Variants in CACNA2D3 observed in about 807,000 individuals in gnomAD.
CACNA2D3 encodes the protein calcium voltage-gated channel auxiliary subunit alpha2delta 3.
Under a neutral mutation model 160.6 loss-of-function variants are expected in CACNA2D3, and 60 were observed. That is an observed-to-expected ratio of 0.37 (90% confidence interval 0.30 to 0.46). The LOEUF is 0.46. Among genes scored for constraint, CACNA2D3 ranks in the 20% least tolerant of loss-of-function variants. CACNA2D3 has a pLI of 1.00. For missense variants in CACNA2D3, 1,205 were observed against 1,365.0 expected (o/e 0.88, Z 1.85); for synonymous variants, 558 against 492.9 (o/e 1.13, Z -1.75).
At chr3:54,234,768 A>G (rs1445005869) in intron 2 of CACNA2D3, among the ~76,000 whole-genome samples, 1 of 152,224 alleles carries the variant, frequency 6.6e-6, no homozygotes. Context: ...ACAGAAAACC[A>G]GATACCACAT....
intron 13 of CACNA2D3, among the ~76,000 whole-genome samples, chr3:54,806,042 G>A (rs1344076799): frequency 6.6e-6 from 1 of 152,108 alleles, no homozygotes; most frequent in Non-Finnish European, 1.5e-5. Flanking sequence ...AGGTATTGAT[G>A]AGACATATCT....
At chr3:54,299,762 A>T (rs1703432873) in intron 2 of CACNA2D3, among the ~76,000 whole-genome samples, 1 of 152,236 alleles carries the variant, frequency 6.6e-6, no homozygotes, top group Admixed American at 6.5e-5. Context: ...TAACAAAAGG[A>T]GACATTATAG....
At chr3:54,739,751 AT>A (rs1701607454) in intron 11 of CACNA2D3, among the ~76,000 whole-genome samples, 1 of 145,848 alleles carries the variant, frequency 6.9e-6, no homozygotes, top group Non-Finnish European at 1.5e-5. Context: ...CTCCTCATAT[AT>A]GTGTGTGTGT....
intron 2 of CACNA2D3, among the ~76,000 whole-genome samples, chr3:54,155,325 A>G (rs1576964680): frequency 6.6e-6 from 1 of 152,164 alleles, no homozygotes; most frequent in South Asian, 2.1e-4. Flanking sequence ...CTGAATCTCC[A>G]CTCAAGGCTG....
chr3:54,927,905 C>T (rs1701071496), intron 27 of CACNA2D3: 16 of 1,613,694 alleles, frequency 9.9e-6, no homozygotes, highest in Non-Finnish European at 1.4e-5. Flanking sequence ...CAGGGCTCAC[C>T]TTTCATGACT....
At chr3:54,189,586 C>T (rs73085954) in intron 2 of CACNA2D3, among the ~76,000 whole-genome samples, 17,663 of 152,078 alleles carry the variant, frequency 0.12, 1,120 homozygotes, top group Admixed American at 0.16. Context: ...GTGGAACAGA[C>T]TGGCAAGCTG....
At chr3:54,171,766 A>G (rs1044368060) in intron 2 of CACNA2D3, among the ~76,000 whole-genome samples, 2 of 152,042 alleles carry the variant, frequency 1.3e-5, no homozygotes, top group African/African-American at 4.8e-5. Context: ...CTTCCATGGG[A>G]TATCTTCCCA....
intron 11 of CACNA2D3, among the ~76,000 whole-genome samples, chr3:54,746,055 T>C (rs1461911328): frequency 6.6e-6 from 1 of 152,218 alleles, no homozygotes; most frequent in Admixed American, 6.5e-5. Context: ...ATGTTTCTTC[T>C]TTTATTATGA....
chr3:54,424,533 C>A (rs1699885238), intron 4 of CACNA2D3, among the ~76,000 whole-genome samples: 1 of 152,208 alleles, frequency 6.6e-6, no homozygotes, highest in South Asian at 2.1e-4. Flanking sequence ...GAAGGCTTTA[C>A]TACATGACTC....
chr3:54,686,744 A>G (rs1263701612), intron 11 of CACNA2D3, among the ~76,000 whole-genome samples: 1 of 152,202 alleles, frequency 6.6e-6, no homozygotes. Flanking sequence ...GTGATGTCAT[A>G]GCTCTGTGAA....
chr3:54,764,276 T>G lies in CACNA2D3; in HGVS notation c.1305T>G (p.Leu435=). Residue 435 remains leucine (L), a synonymous_variant, in exon 13 of 38, where the codon CTT becomes CTG. Coordinates refer to ENST00000474759, the MANE Select transcript of CACNA2D3 (RefSeq NM_018398.3). ...TGCAGGAGAATGTCATGGAATACCT[T>G]CACGTGCTTAGCCGGCCCAAAGTCA... ...ADVQENVMEY[L]HVLSRPKVID... The G allele has an allele frequency of 6.2e-7, 1 of 1,613,902 alleles. No homozygotes were observed. The highest frequency in any genetic ancestry group is 8.5e-7 in the Non-Finnish European group (1 of 1,179,850).
At chr3:54,145,411 G>A (rs1243612644) in intron 2 of CACNA2D3, among the ~76,000 whole-genome samples, 1 of 152,162 alleles carries the variant, frequency 6.6e-6, no homozygotes, top group Non-Finnish European at 1.5e-5. Flanking sequence ...GCTCTTTACT[G>A]CTAGCTTGAA....
intron 27 of CACNA2D3, among the ~76,000 whole-genome samples, chr3:54,945,509 C>G (rs1701590023): frequency 6.6e-6 from 1 of 152,156 alleles, no homozygotes; most frequent in Admixed American, 6.5e-5. Context: ...GGTGCCTATC[C>G]ATAGGAAATA....
chr3:54,633,527 T>A (rs1699292818), intron 10 of CACNA2D3: 1 of 152,140 alleles, frequency 6.6e-6, no homozygotes. Context: ...GGGAAACAGG[T>A]ACTAGTCCTG....
intron 26 of CACNA2D3, among the ~76,000 whole-genome samples, chr3:54,897,228 TC>T (rs1201393021): frequency 6.6e-6 from 1 of 152,148 alleles, no homozygotes; most frequent in Non-Finnish European, 1.5e-5. Flanking sequence ...GTGAGTCACA[TC>T]CCTGCAGAGG....
intron 17 of CACNA2D3, among the ~76,000 whole-genome samples, chr3:54,863,791 G>A (rs565310547): frequency 2.6e-5 from 4 of 152,108 alleles, no homozygotes; most frequent in African/African-American, 9.6e-5. Context: ...TACTAAGAGA[G>A]CACATACAAC....
chr3:54,952,820 G>A (rs1180281043), intron 27 of CACNA2D3, among the ~76,000 whole-genome samples: 1 of 152,128 alleles, frequency 6.6e-6, no homozygotes, highest in African/African-American at 2.4e-5. Flanking sequence ...CTATCTATGA[G>A]GATTCCACGT....
intron 2 of CACNA2D3, among the ~76,000 whole-genome samples, chr3:54,315,691 G>C (rs1575390210): frequency 3.9e-5 from 6 of 152,122 alleles, no homozygotes; most frequent in Admixed American, 2.6e-4. Context: ...GGTTTGTGAG[G>C]ATTAGACAAA....
intron 4 of CACNA2D3, among the ~76,000 whole-genome samples, chr3:54,485,374 A>AG (rs1347012757): frequency 6.6e-6 from 1 of 152,174 alleles, no homozygotes; most frequent in African/African-American, 2.4e-5. Flanking sequence ...TGGACACTAA[A>AG]GGAACTATAG....
Sources: allele counts gnomAD v4.1 joint callset (sites outside exome capture counted in the v4.1 genomes callset), GRCh38; gene constraint gnomAD v4.1.1; transcripts MANE v1.5; gene names NCBI Gene and HGNC (gene_info 2026-07-23, HGNC 2026-07-21).